Variants in TM9SF2 observed in about 807,000 individuals in gnomAD.
TM9SF2 encodes 76 kDa membrane protein.
In TM9SF2, 13 loss-of-function variants were observed where a neutral mutation model predicts 84.9. The observed-to-expected ratio is 0.15, with a 90% CI of 0.10 to 0.24. The LOEUF is 0.24. Ranked by LOEUF, TM9SF2 falls within the 10% of genes least tolerant of loss-of-function variation. The pLI is 1.00. For missense variants in TM9SF2, 562 were observed against 818.5 expected, an observed-to-expected ratio of 0.69 and a Z score of 3.82; for synonymous variants, 273 against 285.8, an observed-to-expected ratio of 0.96 and a Z score of 0.45.
At chr13:99,554,498 T>C (rs1346142624) in intron 14 of TM9SF2, 43 bp downstream of exon 14, 6 of 1,580,820 alleles carry the variant, frequency 3.8e-6, no homozygotes, top group South Asian at 1.2e-5. Flanking sequence ...TACCATTATA[T>C]GTAATATTTC....
At chr13:99,536,287 G>A (rs900105833) in intron 4 of TM9SF2, among the ~76,000 whole-genome samples, 3 of 150,598 alleles carry the variant, frequency 2.0e-5, no homozygotes, top group South Asian at 2.1e-4. Flanking sequence ...AAAAAGGTAC[G>A]AAGTTTTTTT....
intron 3 of TM9SF2, 56 bp downstream of exon 3, chr13:99,520,185 T>G: frequency 1.4e-6 from 2 of 1,470,662 alleles, no homozygotes. Context: ...TTTTTGTTAT[T>G]TAAGAAAAGC....
At chr13:99,534,311 T>A (rs1259985556) in intron 4 of TM9SF2, among the ~76,000 whole-genome samples, 1 of 152,210 alleles carries the variant, frequency 6.6e-6, no homozygotes, top group Non-Finnish European at 1.5e-5. Context: ...TCCCACCAAG[T>A]TAGCAAAGGA....
intron 9 of TM9SF2, among the ~76,000 whole-genome samples, chr13:99,541,926 G>A (rs989578406): frequency 1.3e-5 from 2 of 152,132 alleles, no homozygotes; most frequent in Non-Finnish European, 1.5e-5. Context: ...GGGGTGGGCG[G>A]ATCACCTGAG....
In TM9SF2 at chr13:99,562,906, A is replaced by T. The variant is rs1390514394; in HGVS notation, c.*148A>T. On this transcript the variant is annotated 3_prime_UTR_variant, in exon 17 of 17. Coordinates refer to ENST00000376387, the MANE Select transcript of TM9SF2 (RefSeq NM_004800.3). ...TAATTCTAAATAAACCTCTTCCCAT[A>T]CACCTTTCCCCCATAAGATGTGTCT... 2.0e-5 allele frequency: 13 copies of T among 650,594 alleles called. No individual in the cohort carries two copies. The highest frequency in any genetic ancestry group is 3.4e-5 in the Non-Finnish European group (13 of 387,664). 40.3% of individuals were successfully genotyped at this position (650,594 alleles called of 1,614,324 possible). A position where few individuals can be genotyped will look rare whatever the true frequency, so the allele number is the denominator to read the frequency against.
In TM9SF2 at chr13:99,524,806, G is replaced by A. The variant is rs562692260; in HGVS notation, c.334-4661G>A. The stretch of plus-strand genomic sequence containing the variant: ...TCGAACTCCTGACCTTAAGAGATCC[G>A]CCCCCTCTCAGCCTCCCAAAGTGCT... On this transcript the variant is annotated intron_variant, in intron 3 of 16. Coordinates refer to ENST00000376387, the MANE Select transcript of TM9SF2 (RefSeq NM_004800.3). 9.2e-5 allele frequency among the ~76,000 whole-genome samples: 14 copies of A among 151,912 alleles called. No homozygotes were observed. The East Asian group carries it at 1.4e-3, about 15-fold the overall frequency.
At chr13:99,542,151 A>G (rs1411680478) in intron 9 of TM9SF2, among the ~76,000 whole-genome samples, 1 of 107,548 alleles carries the variant, frequency 9.3e-6, no homozygotes, top group African/African-American at 3.4e-5. Flanking sequence ...CTCTGTCTCA[A>G]AAAAAAAAAA....
At position 99,501,513 on chromosome 13, in the gene TM9SF2, T is replaced by G; in HGVS notation, c.-94T>G. 6.8e-7 allele frequency: 1 copy of G among 1,477,278 alleles called. No individual in the cohort carries two copies. The highest frequency in any genetic ancestry group is 9.1e-7 in the Non-Finnish European group (1 of 1,101,310). The allele number at this position is 1,477,278 out of a possible 1,614,324, so 91.5% of individuals were successfully genotyped here. A position where few individuals can be genotyped will look rare whatever the true frequency, so the allele number is the denominator to read the frequency against. ...GCCTTCTGGGGGCCGGCTTCCTTTA[T>G]CTCTGGCGGCCTTGTAGTCGTCTCC... On this transcript the variant is annotated 5_prime_UTR_variant, in exon 1 of 17. Transcript: ENST00000376387.
chr13:99,513,785 T>G (rs962604215), intron 1 of TM9SF2, among the ~76,000 whole-genome samples: 1 of 152,198 alleles, frequency 6.6e-6, no homozygotes. Context: ...GAAAATTACA[T>G]GAGAATAAAA....
At chr13:99,537,480 G>GA (rs1051625614) in intron 5 of TM9SF2, among the ~76,000 whole-genome samples, 1 of 152,060 alleles carries the variant, frequency 6.6e-6, no homozygotes, top group Non-Finnish European at 1.5e-5. Context: ...TGAAAGGCTA[G>GA]AAAATACTAG....
chr13:99,547,610 C>T (rs1029322735), intron 11 of TM9SF2, among the ~76,000 whole-genome samples: 1 of 151,772 alleles, frequency 6.6e-6, no homozygotes, highest in Admixed American at 6.5e-5. Context: ...TGGAAAGTTA[C>T]TTTTGTAATA....
chr13:99,550,422 G>T (rs1434917914), intron 12 of TM9SF2, among the ~76,000 whole-genome samples: 1 of 152,056 alleles, frequency 6.6e-6, no homozygotes, highest in African/African-American at 2.4e-5. Context: ...ATCCAGAAAC[G>T]ATTTTCTCTG....
rs1486821607 is a variant in TM9SF2 at position 99,501,620 on chromosome 13, T to C, written c.14T>C (p.Leu5Pro). 5 of 1,612,626 alleles carry C rather than the reference T, an allele frequency of 3.1e-6. No individual in the cohort carries two copies. Among genetic ancestry groups the C allele is most frequent in the Admixed American group, 1.7e-5 (1 of 59,978 alleles). The change falls in exon 1 of 17, where the codon CTG becomes CCG. Residue 5 changes from leucine (L) to proline (P), a missense_variant. Coordinates refer to ENST00000376387, the MANE Select transcript of TM9SF2 (RefSeq NM_004800.3). The part of the protein sequence containing the change: MSAR[L>P]PVLSPPRWPR... Reference sequence around the variant, plus strand: ...GAAACAACTATCATGAGCGCGAGGCTGCCGGTGTTGTCTCCACCTCGGTGG... The same window carrying C: ...GAAACAACTATCATGAGCGCGAGGCCGCCGGTGTTGTCTCCACCTCGGTGG...
intron 10 of TM9SF2, among the ~76,000 whole-genome samples, chr13:99,544,469 C>G (rs2046274797): frequency 6.6e-6 from 1 of 152,186 alleles, no homozygotes; most frequent in South Asian, 2.1e-4. Flanking sequence ...CAAAGACTGA[C>G]TCTTGGTTTC....
At chr13:99,552,034 A>G (rs2046307394) in intron 12 of TM9SF2, 133 bp from the exon 13 acceptor site, 1 of 868,742 alleles carries the variant, frequency 1.2e-6, no homozygotes, top group African/African-American at 1.7e-5. Flanking sequence ...TTACATTCAG[A>G]CATCCTGTGA....
chr13:99,532,116 A>G (rs374897690), intron 4 of TM9SF2, among the ~76,000 whole-genome samples: 233 of 151,592 alleles, frequency 1.5e-3, no homozygotes, highest in Middle Eastern at 6.8e-3. Context: ...CAGTGGCGCA[A>G]TCTCGGCTCA....
At chr13:99,551,713 A>C (rs543251146) in intron 12 of TM9SF2, among the ~76,000 whole-genome samples, 3 of 152,260 alleles carry the variant, frequency 2.0e-5, no homozygotes, top group African/African-American at 7.2e-5. Flanking sequence ...AGACTGTGAC[A>C]AGATATTTAA....
At chr13:99,503,260 T>TA (rs2046074383) in intron 1 of TM9SF2, among the ~76,000 whole-genome samples, 1 of 152,146 alleles carries the variant, frequency 6.6e-6, no homozygotes, top group Non-Finnish European at 1.5e-5. Flanking sequence ...AGATGAAAAA[T>TA]ATATTTCCTG....
chr13:99,556,401 C>T (rs1249642125), intron 15 of TM9SF2, among the ~76,000 whole-genome samples: 1 of 152,134 alleles, frequency 6.6e-6, no homozygotes, highest in African/African-American at 2.4e-5. Flanking sequence ...GCTCCTCATT[C>T]CTCACTTCCC....
Sources: gnomAD v4.1 joint callset for allele counts (sites outside exome capture counted in the v4.1 genomes callset) on GRCh38, gnomAD v4.1.1 for gene constraint, MANE v1.5 for transcripts, NCBI Gene and HGNC (gene_info 2026-07-23, HGNC 2026-07-21) for gene names.